Variants in OTOG observed in about 807,000 individuals in gnomAD.
OTOG encodes the protein otogelin.
A neutral mutation model predicts 313.8 loss-of-function variants in OTOG; 296 were observed. That is an observed-to-expected ratio of 0.94 (90% CI 0.86 to 1.04). The LOEUF is 1.04. OTOG is among the 50% of genes least tolerant of loss of function. The pLI is 0.00. For synonymous variants in OTOG, 1,533 were observed against 1,554.9 expected (o/e 0.99, Z 0.33); for missense variants, 3,948 against 3,840.1 (o/e 1.03, Z -0.74).
intron 40 of OTOG, among the ~76,000 whole-genome samples, chr11:17,631,167 C>T (rs992554702): frequency 1.2e-4 from 18 of 152,190 alleles, no homozygotes; most frequent in African/African-American, 3.6e-4. Flanking sequence ...GGGAAAAATA[C>T]ACTGACTGCC....
At chr11:17,597,402 C>T (rs1211396934) in intron 30 of OTOG, among the ~76,000 whole-genome samples, 1 of 152,174 alleles carries the variant, frequency 6.6e-6, no homozygotes, top group Non-Finnish European at 1.5e-5. Flanking sequence ...GCTCAATTTT[C>T]TTGTGTGAGA....
intron 39 of OTOG, among the ~76,000 whole-genome samples, chr11:17,626,434 C>T (rs1419363202): frequency 6.6e-6 from 1 of 152,208 alleles, no homozygotes; most frequent in Non-Finnish European, 1.5e-5. Context: ...CCTTGGCCTC[C>T]TAAAGTGCTG....
At chr11:17,585,738 C>A (rs1852778765) in intron 23 of OTOG, among the ~76,000 whole-genome samples, 1 of 152,108 alleles carries the variant, frequency 6.6e-6, no homozygotes, top group Admixed American at 6.5e-5. Flanking sequence ...TGCTTCCAGG[C>A]AGAAAATCTG....
In OTOG at chr11:17,570,127, G is replaced by C. The variant is rs1590008025; in HGVS notation, c.1778-86G>C. ...GGCGAAGACTGGGCCGGGCGTGGGA[G>C]TCTGAGCGGGCCAGGCAGGTGGTGG... On this transcript the variant is annotated intron_variant, in intron 16 of 55. Coordinates refer to ENST00000399397, the MANE Select transcript of OTOG (RefSeq NM_001292063.2). 3.5e-5 allele frequency: 44 copies of C among 1,266,788 alleles called. No individual in the cohort carries two copies. In the South Asian group the frequency reaches 5.7e-4, roughly 16 times the overall value. The allele number at this position is 1,266,788 out of a possible 1,614,324, so 78.5% of individuals were successfully genotyped here. A position where few individuals can be genotyped will look rare whatever the true frequency, so the allele number is the denominator to read the frequency against.
rs1213755361 is a variant in OTOG at position 17,638,464 on chromosome 11, C to G, written c.7809C>G (p.Phe2603Leu). ...CCTTCCCCACAGTGTGTGAGAACTT[C>G]CGCTGTCCCCAAGTGCAGTGTGGCC... The part of the protein sequence containing the change: ...CPLYQCVCEN[F>L]RCPQVQCGLG... The change falls in exon 48 of 56, where the codon TTC becomes TTG. Residue 2603 changes from phenylalanine (F) to leucine (L), a missense_variant. By Grantham distance (22) the Phe-to-Leu change is conservative. Transcript: ENST00000399397. 6 of 1,549,194 alleles carry G rather than the reference C, an allele frequency of 3.9e-6. No individual in the cohort carries two copies. The Admixed American group carries it at 1.2e-4, about 30-fold the overall frequency.
chr11:17,601,091 C>CT (rs992297130), intron 31 of OTOG, among the ~76,000 whole-genome samples: 7 of 152,236 alleles, frequency 4.6e-5, no homozygotes, highest in African/African-American at 1.4e-4. Context: ...CTACAAACCA[C>CT]TTTTTTTTGT....
chr11:17,587,445 C>T (rs1236527270), intron 24 of OTOG, among the ~76,000 whole-genome samples: 1 of 152,164 alleles, frequency 6.6e-6, no homozygotes, highest in Admixed American at 6.5e-5. Flanking sequence ...CTAGGGGTGG[C>T]CTGAGGTGAG....
chr11:17,576,222 G>A (rs2134032002), intron 20 of OTOG, among the ~76,000 whole-genome samples: 1 of 152,324 alleles, frequency 6.6e-6, no homozygotes, highest in South Asian at 2.1e-4. Context: ...CCCTGTTCCT[G>A]ACATGGCATG....
rs571883610 is a variant in OTOG, at chr11:17,620,422, C to T, written c.6528+6721C>T. ...CACATTGAAGCATGTATCAATGCTT[C>T]ATTTATTTTTATGGCTGGAATAATA... On this transcript the variant is annotated intron_variant, in intron 39 of 55. Transcript: ENST00000399397. Among the ~76,000 whole-genome samples the T allele has an allele frequency of 8.5e-5, 13 of 152,274 alleles. No homozygotes were observed. The South Asian group carries it at 2.7e-3, about 32-fold the overall frequency.
At chr11:17,612,842 C>T in intron 38 of OTOG, 77 bp downstream of exon 38, 1 of 1,461,916 alleles carries the variant, frequency 6.8e-7, no homozygotes, top group Non-Finnish European at 9.2e-7. Context: ...AGCAGTGAGC[C>T]AGGGTACCAG....
intron 39 of OTOG, among the ~76,000 whole-genome samples, chr11:17,618,717 T>C (rs1218480146): frequency 6.6e-6 from 1 of 152,246 alleles, no homozygotes; most frequent in Non-Finnish European, 1.5e-5. Context: ...TATTCACATA[T>C]ATTGAAATTC....
At chr11:17,561,967 G>A (rs1053628801) in intron 15 of OTOG, among the ~76,000 whole-genome samples, 160 bp downstream of exon 15, 7 of 150,478 alleles carry the variant, frequency 4.7e-5, no homozygotes, top group Admixed American at 3.3e-4. Flanking sequence ...AAGCACCTCT[G>A]CTCTCTGCTG....
intron 30 of OTOG, 58 bp from the exon 31 acceptor site, chr11:17,599,613 T>C: frequency 6.5e-7 from 1 of 1,539,436 alleles, no homozygotes. Flanking sequence ...CTTGGCTCTG[T>C]CTGTCTGTTC....
At chr11:17,559,952 A>G (rs1852146971) in intron 12 of OTOG, among the ~76,000 whole-genome samples, 1 of 152,148 alleles carries the variant, frequency 6.6e-6, no homozygotes, top group South Asian at 2.1e-4. Context: ...GAAGGAGCAA[A>G]CAATTAACAA....
Position 17,645,555 on chromosome 11 carries a change from TC to T in OTOG, c.8462-3del, listed in dbSNP as rs1848056406. The T allele has an allele frequency of 6.5e-7, 1 of 1,550,036 alleles. No homozygotes were observed. Among genetic ancestry groups the T allele is most frequent in the Non-Finnish European group, 8.7e-7 (1 of 1,146,720 alleles). The stretch of plus-strand genomic sequence containing the variant: ...TGGCCACAGCTGCCTCATCCCCCTG[TC>T]CCCCCAGGTAAGGAGGATGGGCGCT... On this transcript the variant is annotated splice_region_variant and splice_polypyrimidine_tract_variant and intron_variant, in intron 54 of 55. Transcript: ENST00000399397.
At chr11:17,644,037 G>A (rs1231155715) in intron 54 of OTOG, among the ~76,000 whole-genome samples, 1 of 152,220 alleles carries the variant, frequency 6.6e-6, no homozygotes, top group Non-Finnish European at 1.5e-5. Context: ...GTCCAGCAAT[G>A]TCCCTTCTGC....
chr11:17,580,423 C>T (rs1852639133), intron 23 of OTOG, among the ~76,000 whole-genome samples: 1 of 152,262 alleles, frequency 6.6e-6, no homozygotes, highest in Non-Finnish European at 1.5e-5. Context: ...TTGCAAATAA[C>T]CTCCCTGAGG....
intron 30 of OTOG, among the ~76,000 whole-genome samples, chr11:17,598,806 G>A (rs1853174617): frequency 6.6e-6 from 1 of 152,232 alleles, no homozygotes; most frequent in South Asian, 2.1e-4. Flanking sequence ...AGCCTTCTGA[G>A]TCTGCAGATG....
intron 18 of OTOG, 29 bp downstream of exon 18, chr11:17,572,233 T>C (rs1169001135): frequency 2.6e-6 from 4 of 1,548,904 alleles, no homozygotes; most frequent in South Asian, 1.2e-5. Context: ...AGGAGAGGCA[T>C]GGTTGAGTGG....
Sources: gnomAD v4.1 joint callset for allele counts (sites outside exome capture counted in the v4.1 genomes callset) on GRCh38, gnomAD v4.1.1 for gene constraint, MANE v1.5 for transcripts, NCBI Gene and HGNC (gene_info 2026-07-23, HGNC 2026-07-21) for gene names.